ZNF276: variants seen among roughly 807,000 people sequenced by gnomAD.
ZNF276 encodes the protein centromere protein Z.
Under a neutral mutation model 63.9 loss-of-function variants are expected in ZNF276, and 59 were observed. The observed-to-expected ratio is 0.92, with a 90% confidence interval of 0.75 to 1.15. The LOEUF (loss-of-function observed/expected upper bound fraction) is 1.15. Among genes scored for constraint, ZNF276 ranks in the 50% most tolerant of loss-of-function variants. The probability of loss-of-function intolerance (pLI) is 0.00; values close to 1 mark genes in which losing one functional copy is unlikely to be tolerated. For missense variants in ZNF276, 1,084 were observed against 843.8 expected, an observed-to-expected ratio of 1.28 and a Z score of -3.53; for synonymous variants, 496 against 348.4, an observed-to-expected ratio of 1.42 and a Z score of -4.72.
At position 89,739,935 on chromosome 16, in the gene ZNF276, C is replaced by T. The variant is rs11647746; in HGVS notation, c.*1689C>T. 4 of 1,605,616 alleles carry T rather than the reference C, an allele frequency of 2.5e-6. No individual in the cohort carries two copies. Among genetic ancestry groups the T allele is most frequent in the Non-Finnish European group, 3.4e-6 (4 of 1,173,786 alleles). Reference sequence around the variant, plus strand: ...AGGAGGGCTCGTTCTTAACCATTTGCAAGATGCCTCTGAAAAGAGCGGCCC... The same window carrying T: ...AGGAGGGCTCGTTCTTAACCATTTGTAAGATGCCTCTGAAAAGAGCGGCCC... On this transcript the variant is annotated 3_prime_UTR_variant, in exon 11 of 11. Coordinates refer to ENST00000443381, the MANE Select transcript of ZNF276 (RefSeq NM_001113525.2).
chr16:89,723,658 C>T lies in ZNF276; in HGVS notation c.955C>T (p.Pro319Ser). 1 of 1,612,408 alleles carries T rather than the reference C, an allele frequency of 6.2e-7. No homozygotes were observed. Among genetic ancestry groups the T allele is most frequent in the Non-Finnish European group, 8.5e-7 (1 of 1,179,864 alleles). Reference protein sequence around the residue: ...QPPSDSDAVGPRSGFPPQPSL... With the variant: ...QPPSDSDAVGSRSGFPPQPSL... ...TCCTTCGGACAGCGACGCGGTGGGGCCCAGGTCGGGCTTCCCACCTCAGCC... is the reference window on the plus strand; with the variant it reads ...TCCTTCGGACAGCGACGCGGTGGGGTCCAGGTCGGGCTTCCCACCTCAGCC... The change falls in exon 4 of 11, where the codon CCC (proline) becomes TCC (serine). Residue 319 changes from proline to serine, a missense_variant. Pro to Ser is a moderately conservative substitution (Grantham distance 74). Coordinates refer to ENST00000443381, the MANE Select transcript of ZNF276 (RefSeq NM_001113525.2).
Position 89,739,408 on chromosome 16 carries a change from A to G in ZNF276, c.*1162A>G. The G allele has an allele frequency of 6.4e-7, 1 of 1,557,836 alleles. No individual in the cohort carries two copies. The highest frequency in any genetic ancestry group is 1.2e-5 in the South Asian group (1 of 85,788). On this transcript the variant is annotated 3_prime_UTR_variant, in exon 11 of 11. Transcript: ENST00000443381. ...CAGACAACCCTTCCCATCTGGCGGG[A>G]CCCAGAGGTGCTGAGATGGGGGTCT...
intron 5 of ZNF276, among the ~76,000 whole-genome samples, chr16:89,728,202 CTTTTTT>C (rs71389418): frequency 1.6e-5 from 2 of 124,880 alleles, no homozygotes; most frequent in African/African-American, 6.0e-5. Context: ...GGCCACAAAT[CTTTTTT>C]TTTTTTTTTT....
At chr16:89,720,830 T>A, upstream of ZNF276, 1 of 1,442,978 alleles carries the variant, frequency 6.9e-7, no homozygotes, top group Non-Finnish European at 9.1e-7. Context: ...CTGCAGCGGC[T>A]TCACCGTGCC....
chr16:89,725,894 G>A (rs1355628048), intron 4 of ZNF276, among the ~76,000 whole-genome samples: 2 of 152,182 alleles, frequency 1.3e-5, no homozygotes, highest in African/African-American at 2.4e-5. Flanking sequence ...TGATCCTTCT[G>A]CCTTGGCCTC....
chr16:89,724,223 T>C (rs1293562307), intron 4 of ZNF276, among the ~76,000 whole-genome samples: 1 of 152,202 alleles, frequency 6.6e-6, no homozygotes, highest in East Asian at 1.9e-4. Context: ...CCAGAACCCA[T>C]AGCACTGTGG....
chr16:89,723,901 C>T (rs1419401186), intron 4 of ZNF276, among the ~76,000 whole-genome samples, 192 bp downstream of exon 4: 1 of 152,268 alleles, frequency 6.6e-6, no homozygotes, highest in African/African-American at 2.4e-5. Flanking sequence ...GCCAGCCTGT[C>T]TCCGCCTCTT....
At chr16:89,733,715 G>C (rs141102927) in intron 8 of ZNF276, among the ~76,000 whole-genome samples, 158 bp downstream of exon 8, 24 of 152,288 alleles carry the variant, frequency 1.6e-4, no homozygotes, top group African/African-American at 4.3e-4. Context: ...GCCATCCTTG[G>C]GGGTAGATGT....
At chr16:89,736,535 G>C (rs1318447643) in intron 9 of ZNF276, among the ~76,000 whole-genome samples, 2 of 150,432 alleles carry the variant, frequency 1.3e-5, no homozygotes, top group Admixed American at 6.6e-5. Context: ...ATATTGATTG[G>C]GCTGGGGCTG....
chr16:89,737,776 G>A (rs777013443), intron 9 of ZNF276, 30 bp from the exon 10 acceptor site: 4 of 1,614,004 alleles, frequency 2.5e-6, no homozygotes, highest in Non-Finnish European at 3.4e-6. Flanking sequence ...AGCATCAGGG[G>A]CCTGGACTCA....
chr16:89,726,278 C>T (rs1272615891), intron 4 of ZNF276, among the ~76,000 whole-genome samples: 1 of 151,976 alleles, frequency 6.6e-6, no homozygotes, highest in African/African-American at 2.4e-5. Context: ...CTCACCACAA[C>T]CTCTGCCTCC....
At chr16:89,722,909 G>A (rs1484024245) in intron 2 of ZNF276, 75 bp downstream of exon 2, 6 of 1,560,178 alleles carry the variant, frequency 3.8e-6, no homozygotes, top group Non-Finnish European at 5.2e-6. Flanking sequence ...GAGGGACAGG[G>A]CGTGCCTCCG....
At position 89,733,980 on chromosome 16, in the gene ZNF276, C is replaced by G. The variant is rs2061764121; in HGVS notation, c.1416C>G (p.Cys472Trp). The G allele has an allele frequency of 6.2e-7, 1 of 1,614,084 alleles. No individual in the cohort carries two copies. The highest frequency in any genetic ancestry group is 8.5e-7 in the Non-Finnish European group (1 of 1,180,026). The change falls in exon 9 of 11, where the codon TGC becomes TGG. Residue 472 changes from cysteine to tryptophan, a missense_variant. By Grantham distance (215) the Cys-to-Trp change is radical. Transcript: ENST00000443381. ...AGCGGCCCTGCCCCCACCCTGGCTG[C>G]AACAAGGTTTTCATGATCGACCGCT... ...VRERPCPHPG[C>W]NKVFMIDRYL... is the part of the protein sequence containing the mutation.
chr16:89,721,376 A>C, upstream of ZNF276: 2 of 357,434 alleles, frequency 5.6e-6, no homozygotes, highest in Non-Finnish European at 1.0e-5. Context: ...CCAGCGCTCC[A>C]TTGGCGACAG....
In ZNF276 at chr16:89,727,312, C is replaced by A. The variant is rs758781381; in HGVS notation, c.1040C>A (p.Thr347Asn). 31 of 1,614,018 alleles carry A rather than the reference C, an allele frequency of 1.9e-5. No individual in the cohort carries two copies. The African/African-American group carries it at 3.5e-4, about 18-fold the overall frequency. The change falls in exon 5 of 11, where the codon ACC (threonine) becomes AAC (asparagine). Residue 347 changes from threonine to asparagine, a missense_variant. Transcript: ENST00000443381. The part of the protein sequence containing the change: ...QLGEKQLPSS[T>N]SDDRVKDEFS... ...GGTGAGAAGCAGCTTCCATCTTCAA[C>A]CTCGGATGATCGGGTAAAAGACGAG...
chr16:89,727,049 G>T (rs1160092651), intron 4 of ZNF276, among the ~76,000 whole-genome samples: 1 of 152,216 alleles, frequency 6.6e-6, no homozygotes. Flanking sequence ...TGCTGTTCCT[G>T]AGGGTTCTGA....
Position 89,737,993 on chromosome 16 carries a change from T to G in ZNF276, c.1592T>G (p.Phe531Cys), listed in dbSNP as rs749072880. 12 of 1,614,014 alleles carry G rather than the reference T, an allele frequency of 7.4e-6. No homozygotes were observed. Among genetic ancestry groups the G allele is most frequent in the Non-Finnish European group, 1.0e-5 (12 of 1,180,030 alleles). The change falls in exon 11 of 11, where the codon TTC becomes TGC. Residue 531 changes from phenylalanine to cysteine, a missense_variant. Phe to Cys is a radical substitution (Grantham distance 205). Transcript: ENST00000443381. ...TCCCCCAGGTGTGAGGTCTGTGGGT[T>G]CCAGTGCAGGCAGCGGGCATCCCTC... ...AKPLQCEVCG[F>C]QCRQRASLKY...
Position 89,739,146 on chromosome 16 carries a change from T to G in ZNF276, c.*900T>G. 1.2e-6 allele frequency: 2 copies of G among 1,614,106 alleles called. No homozygotes were observed. Among genetic ancestry groups the G allele is most frequent in the Non-Finnish European group, 1.7e-6 (2 of 1,180,026 alleles). ...CCTTGCACCTGCCTGACCCTTGAGC[T>G]CCAGGCTCCTGCCAGCTGGAGGTGA... On this transcript the variant is annotated 3_prime_UTR_variant, in exon 11 of 11. Coordinates refer to ENST00000443381, the MANE Select transcript of ZNF276 (RefSeq NM_001113525.2).
At chr16:89,734,292 C>G (rs1737929899) in intron 9 of ZNF276, among the ~76,000 whole-genome samples, 2 of 151,882 alleles carry the variant, frequency 1.3e-5, no homozygotes, top group Middle Eastern at 3.4e-3. Flanking sequence ...AATAGCCAAG[C>G]AATCTTGGTG....
Sources: allele counts gnomAD v4.1 joint callset (sites outside exome capture counted in the v4.1 genomes callset), GRCh38; gene constraint gnomAD v4.1.1; transcripts MANE v1.5; gene names NCBI Gene and HGNC (gene_info 2026-07-23, HGNC 2026-07-21).